The following ATP6V1B2 variants were observed in gnomAD, a reference collection of about 807,000 sequenced individuals.
ATP6V1B2 encodes the protein V-type proton ATPase subunit B, brain isoform.
ATP6V1B2 carries 23 observed loss-of-function variants against 66.7 expected under a neutral mutation model. The observed-to-expected ratio is 0.34, with a 90% confidence interval of 0.25 to 0.49. The LOEUF is 0.49. ATP6V1B2 is among the 20% of genes least tolerant of loss of function. The probability of loss-of-function intolerance (pLI) is 0.99; values close to 1 mark genes in which losing one functional copy is unlikely to be tolerated. For missense variants in ATP6V1B2, 478 were observed against 650.8 expected, an observed-to-expected ratio of 0.73 and a Z score of 2.89; for synonymous variants, 278 against 236.7, an observed-to-expected ratio of 1.17 and a Z score of -1.60.
At chr8:20,211,407 C>G in intron 6 of ATP6V1B2, 91 bp downstream of exon 6, 1 of 1,504,080 alleles carries the variant, frequency 6.6e-7, no homozygotes, top group South Asian at 1.3e-5. Flanking sequence ...AAAGGGTTTT[C>G]AAAATAAATA....
intron 1 of ATP6V1B2, among the ~76,000 whole-genome samples, chr8:20,199,292 C>T (rs1292490116): frequency 6.6e-6 from 1 of 152,138 alleles, no homozygotes; most frequent in Non-Finnish European, 1.5e-5. Context: ...TTTTTATGTC[C>T]CCACTGCCTA....
rs763698959 is a variant in ATP6V1B2, at chr8:20,211,733, A to G, written c.685A>G (p.Ile229Val). ...VVDYSEENFAIVFAAMGVNME... is the reference protein window; with the variant it reads ...VVDYSEENFAVVFAAMGVNME... ...AGACTACAGTGAGGAAAATTTTGCA[A>G]TTGTATTTGCTGCTATGGGTGTAAG... is the stretch of plus-strand genomic sequence containing the variant. Residue 229 changes from isoleucine to valine, a missense_variant, in exon 7 of 14, where the codon ATT (isoleucine) becomes GTT (valine). Transcript: ENST00000276390. 4 of 1,609,580 alleles carry G rather than the reference A, an allele frequency of 2.5e-6. No homozygotes were observed. Among genetic ancestry groups the G allele is most frequent in the Non-Finnish European group, 3.4e-6 (4 of 1,178,972 alleles).
chr8:20,197,647 C>T (rs2072642468), intron 1 of ATP6V1B2, 105 bp downstream of exon 1: 2 of 1,256,160 alleles, frequency 1.6e-6, no homozygotes, highest in Admixed American at 4.2e-5. Flanking sequence ...TTTGTTTTTC[C>T]CTCCCGCGTC....
At chr8:20,205,089 G>A (rs1331195497) in intron 2 of ATP6V1B2, among the ~76,000 whole-genome samples, 4 of 152,192 alleles carry the variant, frequency 2.6e-5, no homozygotes, top group Non-Finnish European at 5.9e-5. Context: ...TCAAACTGAA[G>A]TTGTACAAGA....
At chr8:20,211,849 T>C in intron 7 of ATP6V1B2, 96 bp downstream of exon 7, 1 of 1,069,526 alleles carries the variant, frequency 9.3e-7, no homozygotes, top group Non-Finnish European at 1.3e-6. Flanking sequence ...AATTTTTCTT[T>C]AGGTAAAGAA....
rs531039716 is a variant in ATP6V1B2, at chr8:20,212,754, T to A, written c.804-28T>A. On this transcript the variant is annotated intron_variant, in intron 8 of 13. Transcript: ENST00000276390. Reference sequence around the variant, plus strand: ...TTTCTTTTTGGTCTTTTGGTTTGAGTGGCCTAAGACTTAATGTTCCCTTTC... The same window carrying A: ...TTTCTTTTTGGTCTTTTGGTTTGAGAGGCCTAAGACTTAATGTTCCCTTTC... 4 of 1,596,198 alleles carry A rather than the reference T, an allele frequency of 2.5e-6. No individual in the cohort carries two copies. The African/African-American group carries it at 5.4e-5, about 22-fold the overall frequency.
At chr8:20,208,352 A>G (rs981347749) in intron 2 of ATP6V1B2, among the ~76,000 whole-genome samples, 1 of 152,242 alleles carries the variant, frequency 6.6e-6, no homozygotes, top group Non-Finnish European at 1.5e-5. Context: ...TTTTAACATT[A>G]ATACTAAGGT....
At chr8:20,217,174 G>C (rs1415806970) in intron 11 of ATP6V1B2, 46 bp from the exon 12 acceptor site, 3 of 1,491,414 alleles carry the variant, frequency 2.0e-6, no homozygotes, top group Admixed American at 3.4e-5. Flanking sequence ...TAAAACTTGA[G>C]TTTTGTACTT....
chr8:20,212,281 A>T, intron 8 of ATP6V1B2, 82 bp downstream of exon 8: 1 of 1,280,542 alleles, frequency 7.8e-7, no homozygotes, highest in Non-Finnish European at 1.1e-6. Context: ...AAAATGTGGT[A>T]ATAACAGCAT....
At chr8:20,216,321 G>T in intron 10 of ATP6V1B2, 92 bp from the exon 11 acceptor site, 2 of 1,067,178 alleles carry the variant, frequency 1.9e-6, no homozygotes, top group Non-Finnish European at 1.4e-6. Context: ...AGTACAGAGG[G>T]ACTTTTTGTG....
chr8:20,201,711 C>T (rs886676689), intron 1 of ATP6V1B2, among the ~76,000 whole-genome samples: 7 of 152,150 alleles, frequency 4.6e-5, no homozygotes, highest in African/African-American at 1.7e-4. Flanking sequence ...CCTTAGGGTG[C>T]ATCAGCCTTG....
At chr8:20,202,654 G>C (rs899835669) in intron 1 of ATP6V1B2, among the ~76,000 whole-genome samples, 1 of 152,102 alleles carries the variant, frequency 6.6e-6, no homozygotes, top group African/African-American at 2.4e-5. Flanking sequence ...TTCATAGTTT[G>C]GAATGAGCTT....
chr8:20,203,739 G>A (rs1176986283), intron 1 of ATP6V1B2, among the ~76,000 whole-genome samples: 1 of 152,128 alleles, frequency 6.6e-6, no homozygotes, highest in Non-Finnish European at 1.5e-5. Flanking sequence ...GCTTTGGGTA[G>A]GACCTGCTGG....
chr8:20,204,353 T>G (rs1020159272), intron 1 of ATP6V1B2, 131 bp from the exon 2 acceptor site: 3 of 721,682 alleles, frequency 4.2e-6, no homozygotes, highest in Non-Finnish European at 6.7e-6. Flanking sequence ...ATTGAAAAAT[T>G]TTGTAGCTAT....
rs527938012 is a variant in ATP6V1B2, at chr8:20,203,821, G to A, written c.137-663G>A. Reference sequence around the variant, plus strand: ...CAACAGTCTCTAACCTGGCAGTAACGTTTGACTTTTTTTAAAAGGATCCTT... The same window carrying A: ...CAACAGTCTCTAACCTGGCAGTAACATTTGACTTTTTTTAAAAGGATCCTT... On this transcript the variant is annotated intron_variant, in intron 1 of 13. Coordinates refer to ENST00000276390, the MANE Select transcript of ATP6V1B2 (RefSeq NM_001693.4). 39 of 358,080 alleles carry A rather than the reference G, an allele frequency of 1.1e-4. 1 individual carries two copies. The Middle Eastern group carries it at 2.3e-3, about 21-fold the overall frequency. The allele number at this position is 358,080 out of a possible 1,614,324, so 22.2% of individuals were successfully genotyped here.
At chr8:20,209,363 C>T (rs1464720450) in intron 2 of ATP6V1B2, 70 bp from the exon 3 acceptor site, 4 of 1,439,658 alleles carry the variant, frequency 2.8e-6, no homozygotes, top group Non-Finnish European at 2.9e-6. Context: ...ATGGGAGAGA[C>T]AGAGCATGTG....
chr8:20,209,057 C>G (rs73669743), intron 2 of ATP6V1B2, among the ~76,000 whole-genome samples: 2,152 of 152,158 alleles, frequency 0.014, 49 homozygotes, highest in African/African-American at 0.05. Flanking sequence ...CTGGAGCACA[C>G]AGTTGATTAC....
At chr8:20,219,044 G>T (rs1431358675) in intron 13 of ATP6V1B2, among the ~76,000 whole-genome samples, 1 of 152,178 alleles carries the variant, frequency 6.6e-6, no homozygotes, top group Non-Finnish European at 1.5e-5. Flanking sequence ...ACTAATTTGT[G>T]TTGTTTTCTT....
At chr8:20,208,988 T>A (rs2072765034) in intron 2 of ATP6V1B2, among the ~76,000 whole-genome samples, 1 of 152,142 alleles carries the variant, frequency 6.6e-6, no homozygotes, top group African/African-American at 2.4e-5. Flanking sequence ...GGATTACAGG[T>A]GTGAGCCACC....
Sources: gnomAD v4.1 joint callset for allele counts (sites outside exome capture counted in the v4.1 genomes callset) on GRCh38, gnomAD v4.1.1 for gene constraint, MANE v1.5 for transcripts, NCBI Gene and HGNC (gene_info 2026-07-23, HGNC 2026-07-21) for gene names.